The following EFL1 variants were observed in gnomAD, a reference collection of about 807,000 sequenced individuals.
The protein encoded by EFL1 is elongation factor like GTPase 1.
A neutral mutation model predicts 126.7 loss-of-function variants in EFL1; 76 were observed. That is an observed-to-expected ratio of 0.60 (90% CI 0.50 to 0.73). EFL1 has a LOEUF of 0.73. Among genes scored for constraint, EFL1 ranks in the 30% least tolerant of loss-of-function variants. EFL1 has a pLI of 0.00. For synonymous variants in EFL1, 410 were observed against 448.4 expected (o/e 0.91, Z 1.08); for missense variants, 1,128 against 1,343.2 (o/e 0.84, Z 2.50).
rs1352369934 is a variant in EFL1, at chr15:82,213,884, A to G, written c.1750+833T>C. Reference sequence around the variant, plus strand: ...CAAAAAATTAAATAAAGAAAAGAATATATCTCTGTAGGTGAATAGCAAAAT... The same window carrying G: ...CAAAAAATTAAATAAAGAAAAGAATGTATCTCTGTAGGTGAATAGCAAAAT... On this transcript the variant is annotated intron_variant, in intron 15 of 19. Transcript: ENST00000268206. 3.9e-5 allele frequency among the ~76,000 whole-genome samples: 6 copies of G among 152,254 alleles called. No individual in the cohort carries two copies. In the South Asian group the frequency reaches 8.3e-4, roughly 21 times the overall value.
At chr15:82,149,664 G>A (rs1204785991) in intron 18 of EFL1, among the ~76,000 whole-genome samples, 1 of 152,088 alleles carries the variant, frequency 6.6e-6, no homozygotes, top group African/African-American at 2.4e-5. Flanking sequence ...CAGAAAAACA[G>A]GTGAAGGATT....
At chr15:82,232,511 T>G (rs139382157) in intron 7 of EFL1, among the ~76,000 whole-genome samples, 6 of 152,322 alleles carry the variant, frequency 3.9e-5, no homozygotes, top group African/African-American at 1.4e-4. Context: ...GTTCTACTTA[T>G]AGTTCTATTT....
At chr15:82,185,199 G>T (rs1447692028) in intron 15 of EFL1, among the ~76,000 whole-genome samples, 1 of 151,344 alleles carries the variant, frequency 6.6e-6, no homozygotes, top group Non-Finnish European at 1.5e-5. Flanking sequence ...GTGTGTGTGT[G>T]TGTGTGTGTG....
At chr15:82,219,955 T>C (rs767529852) in intron 13 of EFL1, 123 bp downstream of exon 13, 30 of 1,486,654 alleles carry the variant, frequency 2.0e-5, no homozygotes, top group Non-Finnish European at 2.6e-5. Flanking sequence ...AAAACAAGAA[T>C]GGAAAGAATA....
At chr15:82,176,298 A>G (rs2074195400) in intron 15 of EFL1, among the ~76,000 whole-genome samples, 1 of 152,218 alleles carries the variant, frequency 6.6e-6, no homozygotes. Flanking sequence ...CTTAAACAAG[A>G]CACAAAAAGC....
At chr15:82,149,728 C>T (rs2073887588) in intron 18 of EFL1, among the ~76,000 whole-genome samples, 1 of 152,112 alleles carries the variant, frequency 6.6e-6, no homozygotes, top group Non-Finnish European at 1.5e-5. Flanking sequence ...ATTTCAAATA[C>T]ATAAAAGAGT....
Position 82,130,634 on chromosome 15 carries a change from A to G in EFL1, c.3175-73T>C. 2.0e-6 allele frequency: 3 copies of G among 1,498,170 alleles called. No individual in the cohort carries two copies. In the African/African-American group the frequency reaches 4.2e-5, roughly 21 times the overall value. The allele number at this position is 1,498,170 out of a possible 1,614,324, so 92.8% of individuals were successfully genotyped here. On this transcript the variant is annotated intron_variant, in intron 19 of 19. Coordinates refer to ENST00000268206, the MANE Select transcript of EFL1 (RefSeq NM_024580.6). ...TCAAACCTTATTCACTGAGCTCCCCAATTTATATAGTCTTAGCTAATGAAA... is the reference window on the plus strand; with the variant it reads ...TCAAACCTTATTCACTGAGCTCCCCGATTTATATAGTCTTAGCTAATGAAA...
At position 82,187,301 on chromosome 15, in the gene EFL1, G is replaced by C. The variant is rs926178710; in HGVS notation, c.1751-23317C>G. Reference sequence around the variant, plus strand: ...AATAGGCGTAATTTATCCTTAAGCTGTTTGGTTAAAGTGAAATGCAAATGT... The same window carrying C: ...AATAGGCGTAATTTATCCTTAAGCTCTTTGGTTAAAGTGAAATGCAAATGT... On this transcript the variant is annotated intron_variant, in intron 15 of 19. Transcript: ENST00000268206. Among the ~76,000 whole-genome samples, 5 of 152,198 alleles carry C rather than the reference G, an allele frequency of 3.3e-5. No individual in the cohort carries two copies. In the South Asian group the frequency reaches 8.3e-4, roughly 25 times the overall value.
chr15:82,167,675 T>C (rs1198358267), intron 15 of EFL1, among the ~76,000 whole-genome samples: 1 of 152,164 alleles, frequency 6.6e-6, no homozygotes, highest in East Asian at 1.9e-4. Flanking sequence ...GTAAAACCAT[T>C]AGTGAATACT....
intron 17 of EFL1, among the ~76,000 whole-genome samples, chr15:82,155,651 C>T (rs550642103): frequency 2.6e-5 from 4 of 152,340 alleles, no homozygotes; most frequent in East Asian, 3.9e-4. Flanking sequence ...GCAGATCATA[C>T]CAAATCATAT....
At chr15:82,163,713 G>T in intron 16 of EFL1, 140 bp downstream of exon 16, 1 of 1,002,846 alleles carries the variant, frequency 1.0e-6, no homozygotes, top group Non-Finnish European at 1.4e-6. Flanking sequence ...GATGCCCTTT[G>T]AAGAGTTGCT....
intron 16 of EFL1, among the ~76,000 whole-genome samples, chr15:82,159,419 T>C (rs2073999970): frequency 6.6e-6 from 1 of 151,862 alleles, no homozygotes; most frequent in South Asian, 2.1e-4. Flanking sequence ...ATATACACAC[T>C]TAAATCTGTC....
chr15:82,155,424 C>A (rs1028458087), intron 17 of EFL1, among the ~76,000 whole-genome samples: 1 of 152,096 alleles, frequency 6.6e-6, no homozygotes, highest in African/African-American at 2.4e-5. Context: ...ATTGCCTGAG[C>A]CCAGGAAGCG....
At chr15:82,131,243 T>G (rs2073640089) in intron 19 of EFL1, among the ~76,000 whole-genome samples, 1 of 152,142 alleles carries the variant, frequency 6.6e-6, no homozygotes, top group Admixed American at 6.5e-5. Flanking sequence ...GCCTTTGTCC[T>G]CAACCTCAAC....
Position 82,152,311 on chromosome 15 carries a change from C to A in EFL1, c.2143G>T (p.Val715Phe). ...VNEEIGKQQK[V>F]AVIHQMKEDQ... ...TCTTTCATTTGGTGTATGACTGCAA[C>A]TTTTTGCTGTTTGCCTATTTCTTCA... is the stretch of plus-strand genomic sequence containing the variant. Residue 715 changes from valine (V) to phenylalanine (F), a missense_variant, in exon 18 of 20, where the codon GTT becomes TTT. Val to Phe is a conservative substitution (Grantham distance 50, BLOSUM62 -1). This residue lies in a region of EFL1 where 561 missense variants were observed against 641.7 expected (regional missense o/e 0.87). Transcript: ENST00000268206. The A allele has an allele frequency of 6.2e-7, 1 of 1,614,070 alleles. No homozygotes were observed. The highest frequency in any genetic ancestry group is 1.7e-5 in the Admixed American group (1 of 60,012).
intron 19 of EFL1, among the ~76,000 whole-genome samples, chr15:82,133,358 T>G (rs1402591324): frequency 6.6e-6 from 1 of 152,216 alleles, no homozygotes; most frequent in African/African-American, 2.4e-5. Context: ...AGATATTATA[T>G]GAAAGTCATA....
intron 15 of EFL1, among the ~76,000 whole-genome samples, chr15:82,207,351 T>C (rs577319831): frequency 6.6e-6 from 1 of 151,162 alleles, no homozygotes; most frequent in African/African-American, 2.4e-5. Context: ...TATATATAAA[T>C]TCCTCTAACT....
intron 15 of EFL1, among the ~76,000 whole-genome samples, chr15:82,192,293 G>A (rs895188386): frequency 6.6e-6 from 1 of 151,708 alleles, no homozygotes; most frequent in African/African-American, 2.4e-5. Flanking sequence ...CCAGCTACTC[G>A]GGAGGCTGAG....
At position 82,152,438 on chromosome 15, in the gene EFL1, A is replaced by G. The variant is rs750106973; in HGVS notation, c.2031-15T>C. On this transcript the variant is annotated splice_polypyrimidine_tract_variant and intron_variant, in intron 17 of 19. Transcript: ENST00000268206. The stretch of plus-strand genomic sequence containing the variant: ...TCTTTGCAAACCTACAGACAAATTC[A>G]AGAGAAATAACAGAAGGTTAAAATC... The G allele has an allele frequency of 2.5e-6, 4 of 1,579,032 alleles. No homozygotes were observed. Among genetic ancestry groups the G allele is most frequent in the Non-Finnish European group, 2.6e-6 (3 of 1,165,162 alleles).
Sources: allele counts gnomAD v4.1 joint callset (sites outside exome capture counted in the v4.1 genomes callset), GRCh38; gene constraint gnomAD v4.1.1; regional missense constraint gnomAD v4.1.1; transcripts MANE v1.5; gene names NCBI Gene and HGNC (gene_info 2026-07-23, HGNC 2026-07-21).